PTPRT: variants seen among roughly 807,000 people sequenced by gnomAD.
PTPRT encodes the protein receptor-type tyrosine-protein phosphatase T.
Under a neutral mutation model 176.8 loss-of-function variants are expected in PTPRT, and 56 were observed. The ratio of observed to expected loss-of-function variants is 0.32; its 90% CI spans 0.26 to 0.40. The LOEUF (loss-of-function observed/expected upper bound fraction) is 0.40, where lower values mean the gene tolerates loss of function less well. PTPRT is among the 10% of genes least tolerant of loss of function. The probability of loss-of-function intolerance (pLI) is 1.00; values close to 1 mark genes in which losing one functional copy is unlikely to be tolerated. For synonymous variants in PTPRT, 783 were observed against 739.0 expected (o/e 1.06, Z -0.96); for missense variants, 1,540 against 1,908.2 (o/e 0.81, Z 3.60).
At chr20:42,415,210 C>G (rs1263465075) in intron 9 of PTPRT, among the ~76,000 whole-genome samples, 3 of 152,148 alleles carry the variant, frequency 2.0e-5, no homozygotes, top group African/African-American at 7.2e-5. Context: ...AGAGAAGGGT[C>G]TTGCTCTGTT....
At chr20:42,634,037 T>TA (rs1569038646) in intron 7 of PTPRT, among the ~76,000 whole-genome samples, 4 of 29,664 alleles carry the variant, frequency 1.3e-4, no homozygotes, top group African/African-American at 6.7e-4. Flanking sequence ...ATATATTATA[T>TA]ATATTATATA....
At chr20:42,844,442 G>C (rs971740482) in intron 2 of PTPRT, among the ~76,000 whole-genome samples, 1 of 152,260 alleles carries the variant, frequency 6.6e-6, no homozygotes, top group East Asian at 1.9e-4. Flanking sequence ...CTTTCTATGA[G>C]AGTCATAGTC....
chr20:42,526,956 C>CTTTTTTTTTTT lies in PTPRT; in HGVS notation c.1154-54405_1154-54395dup, dbSNP rs915511549. Among the ~76,000 whole-genome samples the CTTTTTTTTTTT allele has an allele frequency of 5.2e-4, 41 of 78,718 alleles. 1 individual carries two copies. The highest frequency in any genetic ancestry group is 1.3e-3 in the African/African-American group (27 of 20,514). The allele number at this position is 78,718 out of a possible 152,430, so 51.6% of individuals were successfully genotyped here. A position where few individuals can be genotyped will look rare whatever the true frequency, so the allele number is the denominator to read the frequency against. On this transcript the variant is annotated intron_variant, in intron 7 of 30. Coordinates refer to ENST00000373187, the MANE Select transcript of PTPRT (RefSeq NM_007050.6). ...GAGACTGACTTCTTGGTTCTTTTTT[C>CTTTTTTTTTTT]TTTTTTTTTTTTTTTTTTTTTTTTT...
At chr20:42,930,646 C>T (rs1376918162) in intron 1 of PTPRT, among the ~76,000 whole-genome samples, 1 of 151,012 alleles carries the variant, frequency 6.6e-6, no homozygotes, top group Non-Finnish European at 1.5e-5. Context: ...CCATGCCTGG[C>T]TTTTTTTTTA....
chr20:42,111,259 C>A (rs1348076652), intron 22 of PTPRT, among the ~76,000 whole-genome samples: 3 of 152,146 alleles, frequency 2.0e-5, no homozygotes, highest in African/African-American at 7.2e-5. Context: ...CAATCTCCTG[C>A]AGATACCCAG....
At position 43,023,258 on chromosome 20, in the gene PTPRT, G is replaced by A. The variant is rs181478122; in HGVS notation, c.89-137326C>T. On this transcript the variant is annotated intron_variant, in intron 1 of 30. Transcript: ENST00000373187. ...ACAAGGTAGATTGCTCAGCCTCTGT[G>A]ACTTGAAAAACTTTGACCTATTTTG... Among the ~76,000 whole-genome samples, 8 of 152,292 alleles carry A rather than the reference G, an allele frequency of 5.3e-5. No individual in the cohort carries two copies. In the East Asian group the frequency reaches 1.2e-3, roughly 22 times the overall value.
intron 13 of PTPRT, among the ~76,000 whole-genome samples, chr20:42,263,824 C>A (rs1396400019): frequency 6.6e-6 from 1 of 151,924 alleles, no homozygotes; most frequent in Non-Finnish European, 1.5e-5. Flanking sequence ...CATACCTGGC[C>A]TGAATCATAC....
chr20:43,125,579 T>C (rs2013408760), intron 1 of PTPRT, among the ~76,000 whole-genome samples: 1 of 152,374 alleles, frequency 6.6e-6, no homozygotes, highest in East Asian at 1.9e-4. Flanking sequence ...GCAAAACTTG[T>C]ATTTTAATTT....
chr20:42,442,084 G>C (rs1012810258), intron 9 of PTPRT, among the ~76,000 whole-genome samples: 4 of 152,204 alleles, frequency 2.6e-5, no homozygotes, highest in Non-Finnish European at 5.9e-5. Flanking sequence ...GCAAAGCTGA[G>C]GGATGGGAGG....
chr20:43,059,911 G>A (rs575594125), intron 1 of PTPRT, among the ~76,000 whole-genome samples: 18 of 152,056 alleles, frequency 1.2e-4, no homozygotes, highest in Non-Finnish European at 2.2e-4. Context: ...CCCAGGAGGG[G>A]GAAGTTGCAG....
intron 13 of PTPRT, chr20:42,270,316 C>T: frequency 7.4e-7 from 1 of 1,349,858 alleles, no homozygotes; most frequent in Non-Finnish European, 1.0e-6. Context: ...CTGCTGATTC[C>T]TCTCTGGTGC....
intron 7 of PTPRT, among the ~76,000 whole-genome samples, chr20:42,508,152 T>TGTG (rs1555872023): frequency 6.6e-6 from 1 of 151,350 alleles, no homozygotes; most frequent in African/African-American, 2.4e-5. Context: ...TGTGTGTGTA[T>TGTG]TATATTAACA....
intron 2 of PTPRT, among the ~76,000 whole-genome samples, chr20:42,803,640 G>A (rs1423384299): frequency 3.9e-5 from 6 of 152,090 alleles, no homozygotes; most frequent in African/African-American, 7.2e-5. Flanking sequence ...TGCAACCTTC[G>A]CCTCCAGGGT....
At chr20:42,125,753 A>G (rs1175989458) in intron 19 of PTPRT, among the ~76,000 whole-genome samples, 1 of 152,220 alleles carries the variant, frequency 6.6e-6, no homozygotes, top group Non-Finnish European at 1.5e-5. Flanking sequence ...ACCAAAGTGT[A>G]TCTTGGCCCT....
At chr20:42,650,194 A>C (rs556455481) in intron 7 of PTPRT, among the ~76,000 whole-genome samples, 113 of 152,318 alleles carry the variant, frequency 7.4e-4, no homozygotes, top group African/African-American at 2.6e-3. Flanking sequence ...TGAAGCACAG[A>C]ATGATTAAGA....
intron 19 of PTPRT, among the ~76,000 whole-genome samples, chr20:42,124,373 T>G (rs1987746353): frequency 6.6e-6 from 1 of 152,228 alleles, no homozygotes; most frequent in Non-Finnish European, 1.5e-5. Context: ...CTCATGCATC[T>G]GTTACTTACT....
chr20:42,805,911 T>C (rs552431998), intron 2 of PTPRT, among the ~76,000 whole-genome samples: 9 of 152,268 alleles, frequency 5.9e-5, no homozygotes, highest in African/African-American at 1.9e-4. Context: ...ATAGCATGTT[T>C]GTCCCTCATC....
At chr20:42,308,086 G>A (rs528604947) in intron 12 of PTPRT, among the ~76,000 whole-genome samples, 5 of 152,174 alleles carry the variant, frequency 3.3e-5, no homozygotes, top group Admixed American at 6.5e-5. Context: ...CCTCAGTTCC[G>A]GGAATTGCCC....
chr20:42,779,520 G>A (rs1033623042), intron 4 of PTPRT, among the ~76,000 whole-genome samples: 13 of 152,266 alleles, frequency 8.5e-5, no homozygotes, highest in African/African-American at 3.1e-4. Flanking sequence ...CCAACCAAAT[G>A]TCACTGGGTA....
Sources: allele counts gnomAD v4.1 joint callset (sites outside exome capture counted in the v4.1 genomes callset), GRCh38; gene constraint gnomAD v4.1.1; transcripts MANE v1.5; gene names NCBI Gene and HGNC (gene_info 2026-07-23, HGNC 2026-07-21).